The following EXT2 variants were observed in gnomAD, a reference collection of about 807,000 sequenced individuals.
EXT2 encodes exostosin-2.
EXT2 carries 53 observed loss-of-function variants against 81.6 expected under a neutral mutation model. The ratio of observed to expected loss-of-function variants is 0.65; its 90% CI spans 0.52 to 0.82. The LOEUF is 0.82. EXT2 is among the 40% of genes least tolerant of loss of function. EXT2 has a pLI of 0.00. For missense variants in EXT2, 774 were observed against 910.2 expected, an observed-to-expected ratio of 0.85 and a Z score of 1.93; for synonymous variants, 320 against 340.0, an observed-to-expected ratio of 0.94 and a Z score of 0.65.
chr11:44,225,434 T>C (rs907643174), intron 10 of EXT2, among the ~76,000 whole-genome samples: 1 of 152,168 alleles, frequency 6.6e-6, no homozygotes, highest in Non-Finnish European at 1.5e-5. Flanking sequence ...ACAAAGAGCC[T>C]GTAGCTTTTA....
chr11:44,121,088 A>G (rs1954309060), intron 4 of EXT2, among the ~76,000 whole-genome samples: 1 of 152,190 alleles, frequency 6.6e-6, no homozygotes, highest in East Asian at 1.9e-4. Flanking sequence ...TCACATCTAC[A>G]CTTGTTCACA....
At chr11:44,221,212 T>C (rs1439706932) in intron 10 of EXT2, among the ~76,000 whole-genome samples, 1 of 152,148 alleles carries the variant, frequency 6.6e-6, no homozygotes, top group East Asian at 1.9e-4. Flanking sequence ...GGTTTTAGTA[T>C]GTGCCAAGCA....
intron 8 of EXT2, among the ~76,000 whole-genome samples, chr11:44,177,285 T>C (rs910820074): frequency 2.0e-5 from 3 of 152,246 alleles, no homozygotes; most frequent in Admixed American, 2.0e-4. Context: ...GCCTTTTCAG[T>C]CTCTTCATGC....
chr11:44,222,157 T>G (rs186632463), intron 10 of EXT2, among the ~76,000 whole-genome samples: 59 of 152,306 alleles, frequency 3.9e-4, no homozygotes, highest in African/African-American at 1.4e-3. Flanking sequence ...TAGTAATATT[T>G]CTAGGTTCCC....
chr11:44,176,753 G>A (rs1047459619), intron 8 of EXT2, among the ~76,000 whole-genome samples: 2 of 151,994 alleles, frequency 1.3e-5, no homozygotes, highest in Admixed American at 6.6e-5. Context: ...CTGACATTCC[G>A]AGGTGGGAGT....
intron 4 of EXT2, among the ~76,000 whole-genome samples, chr11:44,124,200 T>C (rs1370673820): frequency 6.6e-6 from 1 of 152,174 alleles, no homozygotes; most frequent in Admixed American, 6.5e-5. Context: ...TCGGTCTCCC[T>C]CCCATTTATG....
intron 7 of EXT2, among the ~76,000 whole-genome samples, chr11:44,148,734 G>A (rs187777399): frequency 6.6e-6 from 1 of 152,310 alleles, no homozygotes; most frequent in Non-Finnish European, 1.5e-5. Flanking sequence ...TGCTATAGAT[G>A]CCACAGTTAA....
At chr11:44,223,589 G>C (rs1955804893) in intron 10 of EXT2, among the ~76,000 whole-genome samples, 2 of 151,668 alleles carry the variant, frequency 1.3e-5, no homozygotes, top group African/African-American at 4.8e-5. Flanking sequence ...CAAAATTATA[G>C]AAATGGAGGA....
At chr11:44,096,115 C>A (rs2134931814) in intron 1 of EXT2, 2 of 804,534 alleles carry the variant, frequency 2.5e-6, no homozygotes, top group Non-Finnish European at 4.2e-6. Flanking sequence ...TGGTACCCAC[C>A]TGTTCTCCTA....
At position 44,244,171 on chromosome 11, in the gene EXT2, G is replaced by C. The variant is rs771936445; in HGVS notation, c.2041G>C (p.Ala681Pro). The C allele has an allele frequency of 1.7e-5, 28 of 1,614,068 alleles. No individual in the cohort carries two copies. Among genetic ancestry groups the C allele is most frequent in the Non-Finnish European group, 2.4e-5 (28 of 1,179,988 alleles). The change falls in exon 14 of 14, where the codon GCT (alanine) becomes CCT (proline). Residue 681 changes from alanine to proline, a missense_variant. By Grantham distance (27) the Ala-to-Pro change is conservative. This residue lies in a region of EXT2 where 148 missense variants were observed against 239.7 expected (regional missense o/e 0.62). Transcript: ENST00000533608. ...VERSECINKFASVFGTMPLKV... is the reference protein window; with the variant it reads ...VERSECINKFPSVFGTMPLKV... Reference sequence around the variant, plus strand: ...CAGGTCAGAGTGCATCAACAAGTTTGCTTCAGTCTTCGGGACCATGCCTCT... The same window carrying C: ...CAGGTCAGAGTGCATCAACAAGTTTCCTTCAGTCTTCGGGACCATGCCTCT...
At chr11:44,131,028 G>A (rs570617445) in intron 7 of EXT2, among the ~76,000 whole-genome samples, 5 of 152,320 alleles carry the variant, frequency 3.3e-5, no homozygotes, top group African/African-American at 1.2e-4. Flanking sequence ...GGGGATCTGA[G>A]GTTCTGACTG....
chr11:44,125,693 TA>T (rs1954391252), intron 5 of EXT2, among the ~76,000 whole-genome samples: 1 of 152,106 alleles, frequency 6.6e-6, no homozygotes, highest in South Asian at 2.1e-4. Context: ...TTTTTTTTTT[TA>T]ATCTCCAGAG....
intron 11 of EXT2, among the ~76,000 whole-genome samples, chr11:44,233,827 A>G (rs1454133729): frequency 6.6e-6 from 1 of 152,088 alleles, no homozygotes; most frequent in Non-Finnish European, 1.5e-5. Flanking sequence ...ATTTTTTTTG[A>G]CCCAATAATT....
Position 44,232,305 on chromosome 11 carries a change from G to A in EXT2, c.1663-48G>A, listed in dbSNP as rs1955908320. 3.7e-6 allele frequency: 6 copies of A among 1,611,538 alleles called. No individual in the cohort carries two copies. In the South Asian group the frequency reaches 6.6e-5, roughly 18 times the overall value. ...TGTTTGGATAACTCAGCACTGAATGGTTGCTGTCTGAATTGGGACTTGATT... is the reference window on the plus strand; with the variant it reads ...TGTTTGGATAACTCAGCACTGAATGATTGCTGTCTGAATTGGGACTTGATT... On this transcript the variant is annotated intron_variant, in intron 10 of 13. Coordinates refer to ENST00000533608, the MANE Select transcript of EXT2 (RefSeq NM_207122.2).
At position 44,172,605 on chromosome 11, in the gene EXT2, T is replaced by C. The variant is rs1341006147; in HGVS notation, c.1305+863T>C. On this transcript the variant is annotated intron_variant, in intron 8 of 13. Transcript: ENST00000533608. ...TTTCTTTTTTTTTTTTTTTTTGAGA[T>C]GGAGTTTCGCTCTTGTTGCCCAGGC... 7.1e-5 allele frequency among the ~76,000 whole-genome samples: 10 copies of C among 140,928 alleles called. No homozygotes were observed. The South Asian group carries it at 1.1e-3, about 16-fold the overall frequency. 92.5% of individuals were successfully genotyped at this position (140,928 alleles called of 152,430 possible). A position where few individuals can be genotyped will look rare whatever the true frequency, so the allele number is the denominator to read the frequency against.
intron 7 of EXT2, among the ~76,000 whole-genome samples, chr11:44,159,142 T>G (rs1954895889): frequency 6.6e-6 from 1 of 151,532 alleles, no homozygotes; most frequent in African/African-American, 2.4e-5. Context: ...TTTCTTCATT[T>G]ATTCTGTTTA....
intron 8 of EXT2, among the ~76,000 whole-genome samples, chr11:44,183,338 G>C (rs1955262308): frequency 6.6e-6 from 1 of 152,118 alleles, no homozygotes; most frequent in South Asian, 2.1e-4. Flanking sequence ...GGTGATTCTT[G>C]CCTGAATCAG....
chr11:44,183,424 G>T lies in EXT2; in HGVS notation c.1305+11682G>T, dbSNP rs79632693. ...TCTCAAATAAGTTACTAATTTTTTT[G>T]AGGGTGATTTGTCTTTTTAAACCTG... On this transcript the variant is annotated intron_variant, in intron 8 of 13. Transcript: ENST00000533608. Among the ~76,000 whole-genome samples the T allele has an allele frequency of 3.4e-3, 524 of 152,168 alleles. 3 individuals carry two copies. Among genetic ancestry groups the T allele is most frequent in the African/African-American group, 0.012 (504 of 41,530 alleles).
intron 7 of EXT2, among the ~76,000 whole-genome samples, chr11:44,136,405 C>T (rs972392666): frequency 6.6e-6 from 1 of 152,234 alleles, no homozygotes; most frequent in Admixed American, 6.5e-5. Context: ...GCAGCACACT[C>T]TGTTCTGCTG....
Sources: gnomAD v4.1 joint callset for allele counts (sites outside exome capture counted in the v4.1 genomes callset) on GRCh38, gnomAD v4.1.1 for gene constraint, gnomAD v4.1.1 regional missense constraint, MANE v1.5 for transcripts, NCBI Gene and HGNC (gene_info 2026-07-23, HGNC 2026-07-21) for gene names.